ANO10: variants seen among roughly 807,000 people sequenced by gnomAD.
The protein encoded by ANO10 is anoctamin 10, also known as anoctamin-10.
In ANO10, 77 loss-of-function variants were observed where a neutral mutation model predicts 74.7. The ratio of observed to expected loss-of-function variants is 1.03; its 90% CI spans 0.86 to 1.25. The LOEUF (loss-of-function observed/expected upper bound fraction) is 1.25, where lower values mean the gene tolerates loss of function less well. Among genes scored for constraint, ANO10 ranks in the 50% most tolerant of loss-of-function variants. ANO10 has a pLI of 0.00. For synonymous variants in ANO10, 279 were observed against 284.9 expected (o/e 0.98, Z 0.21); for missense variants, 721 against 778.1 (o/e 0.93, Z 0.87).
chr3:43,485,250 G>A (rs1437950743), intron 11 of ANO10: 1 of 634,010 alleles, frequency 1.6e-6, no homozygotes, highest in Non-Finnish European at 2.8e-6. Context: ...ATAGTGAGAG[G>A]CAGGACTAGC....
intron 12 of ANO10, among the ~76,000 whole-genome samples, chr3:43,404,228 T>C (rs1253640888): frequency 6.6e-6 from 1 of 152,096 alleles, no homozygotes; most frequent in East Asian, 1.9e-4. Flanking sequence ...TATAAGTAAG[T>C]GTCATGCTGC....
chr3:43,559,677 G>T (rs1380729091), intron 9 of ANO10, among the ~76,000 whole-genome samples: 1 of 152,104 alleles, frequency 6.6e-6, no homozygotes, highest in Non-Finnish European at 1.5e-5. Flanking sequence ...GACTGCTGGT[G>T]CAGTTTCTAT....
Position 43,524,996 on chromosome 3 carries a change from C to T in ANO10, c.1797+24724G>A, listed in dbSNP as rs77930941. ...CTTCCAACCCCTCTTAAACATTCTC[C>T]ATGCTGGGTATGAGTGAGAACCATC... is the stretch of plus-strand genomic sequence containing the variant. On this transcript the variant is annotated intron_variant, in intron 11 of 12. Coordinates refer to ENST00000292246, the MANE Select transcript of ANO10 (RefSeq NM_018075.5). 7.7e-3 allele frequency among the ~76,000 whole-genome samples: 1,179 copies of T among 152,268 alleles called. 13 individuals carry two copies. The highest frequency in any genetic ancestry group is 0.024 in the African/African-American group (1,009 of 41,542).
chr3:43,377,516 C>T (rs1472463074), intron 12 of ANO10, among the ~76,000 whole-genome samples: 1 of 152,198 alleles, frequency 6.6e-6, no homozygotes, highest in African/African-American at 2.4e-5. Context: ...ATTGTTCTTT[C>T]ACAAGCCAGA....
chr3:43,566,527 C>T (rs1209348195), intron 7 of ANO10, among the ~76,000 whole-genome samples: 8 of 152,138 alleles, frequency 5.3e-5, no homozygotes, highest in Admixed American at 5.2e-4. Flanking sequence ...GGTCCCTGAC[C>T]CCTGACCCCC....
At chr3:43,394,212 T>C (rs2092334039) in intron 12 of ANO10, among the ~76,000 whole-genome samples, 1 of 152,058 alleles carries the variant, frequency 6.6e-6, no homozygotes, top group South Asian at 2.1e-4. Context: ...GTTGTCCCCC[T>C]CTGGTCCCTA....
rs993129737 is a variant in ANO10 at position 43,680,910 on chromosome 3, A to C, written c.-12+10607T>G. ...TTTTGTCACCACCAGGCCTGCCCTAAAAGAGCTCCTGAAGGAAGCACTAAA... is the reference window on the plus strand; with the variant it reads ...TTTTGTCACCACCAGGCCTGCCCTACAAGAGCTCCTGAAGGAAGCACTAAA... On this transcript the variant is annotated intron_variant, in intron 1 of 3. Coordinates refer to the ANO10 transcript ENST00000413397. Among the ~76,000 whole-genome samples the C allele has an allele frequency of 1.4e-4, 21 of 152,314 alleles. No individual in the cohort carries two copies. In the South Asian group the frequency reaches 2.7e-3, roughly 20 times the overall value.
intron 7 of ANO10, among the ~76,000 whole-genome samples, chr3:43,572,967 C>A (rs905780311): frequency 6.7e-6 from 1 of 150,028 alleles, no homozygotes; most frequent in African/African-American, 2.4e-5. Flanking sequence ...TAAGAAGCAC[C>A]GTGGAGGAAG....
At chr3:43,501,177 C>T (rs2077087589) in intron 11 of ANO10, among the ~76,000 whole-genome samples, 1 of 152,136 alleles carries the variant, frequency 6.6e-6, no homozygotes, top group Non-Finnish European at 1.5e-5. Context: ...CAGGCTGCTT[C>T]CACTCATGAT....
chr3:43,566,692 C>A (rs1018878113), intron 7 of ANO10, among the ~76,000 whole-genome samples: 7 of 152,164 alleles, frequency 4.6e-5, no homozygotes, highest in Non-Finnish European at 7.3e-5. Context: ...CTGTACATCA[C>A]CATCATCAAA....
intron 7 of ANO10, among the ~76,000 whole-genome samples, chr3:43,572,431 G>T (rs1362746705): frequency 6.6e-6 from 1 of 152,172 alleles, no homozygotes; most frequent in Non-Finnish European, 1.5e-5. Context: ...GGGGGCCCCT[G>T]CCACAAGGGC....
intron 7 of ANO10, among the ~76,000 whole-genome samples, chr3:43,568,000 C>A (rs369264541): frequency 2.6e-5 from 4 of 151,376 alleles, no homozygotes; most frequent in Non-Finnish European, 3.0e-5. Context: ...TCTACCAAGC[C>A]AATGGAAAAC....
At chr3:43,685,245 C>T (rs1015518083) in intron 1 of ANO10, among the ~76,000 whole-genome samples, 5 of 151,826 alleles carry the variant, frequency 3.3e-5, no homozygotes, top group Non-Finnish European at 7.4e-5. Context: ...TTTTCTTTTT[C>T]TTCTTATCAG....
chr3:43,593,289 C>T (rs1054827972), intron 4 of ANO10, among the ~76,000 whole-genome samples: 3 of 152,130 alleles, frequency 2.0e-5, no homozygotes, highest in Admixed American at 6.5e-5. Flanking sequence ...AGAAGAGCAA[C>T]TCCAAGACAC....
At chr3:43,580,579 G>A (rs1225222550) in intron 4 of ANO10, 107 bp from the exon 5 acceptor site, 2 of 1,374,990 alleles carry the variant, frequency 1.5e-6, no homozygotes, top group Non-Finnish European at 2.0e-6. Flanking sequence ...CAACGCAAAG[G>A]TCAATGTCAT....
intron 1 of ANO10, among the ~76,000 whole-genome samples, chr3:43,612,895 C>T (rs548243125): frequency 3.9e-5 from 6 of 152,218 alleles, no homozygotes; most frequent in African/African-American, 1.4e-4. Flanking sequence ...CGGCTGGGCA[C>T]GGTGGCTCAC....
intron 7 of ANO10, among the ~76,000 whole-genome samples, chr3:43,570,933 C>G (rs1174019351): frequency 7.0e-6 from 1 of 143,034 alleles, no homozygotes; most frequent in Non-Finnish European, 1.5e-5. Flanking sequence ...GCAACCTACT[C>G]ATCTGACAAA....
chr3:43,423,434 A>G (rs1429042997), intron 12 of ANO10, among the ~76,000 whole-genome samples: 1 of 152,204 alleles, frequency 6.6e-6, no homozygotes, highest in Non-Finnish European at 1.5e-5. Flanking sequence ...GCAGTGAGTG[A>G]GTCATCACCT....
rs5848666 is a variant in ANO10, at chr3:43,536,995, C to CAAA, written c.1797+12722_1797+12724dup. Among the ~76,000 whole-genome samples the CAAA allele has an allele frequency of 1.4e-3, 107 of 78,418 alleles. 3 individuals are homozygous for CAAA. The highest frequency in any genetic ancestry group is 7.9e-3 in the Middle Eastern group (1 of 126). 51.4% of individuals were successfully genotyped at this position (78,418 alleles called of 152,430 possible). On this transcript the variant is annotated intron_variant, in intron 11 of 12. Transcript: ENST00000292246. ...CAAGATACAGAACAATTTCATCACT[C>CAAA]AAAAAAAAAAAAAAAAAAAAAGCCC... is the stretch of plus-strand genomic sequence containing the variant.
Sources: gnomAD v4.1 joint callset for allele counts (sites outside exome capture counted in the v4.1 genomes callset) on GRCh38, gnomAD v4.1.1 for gene constraint, MANE v1.5 for transcripts, NCBI Gene and HGNC (gene_info 2026-07-23, HGNC 2026-07-21) for gene names.